GRIA4: variants seen among roughly 807,000 people sequenced by gnomAD.
GRIA4 encodes glutamate receptor 4.
Under a neutral mutation model 104.0 loss-of-function variants are expected in GRIA4, and 34 were observed. That is an observed-to-expected ratio of 0.33 (90% CI 0.25 to 0.44). The LOEUF is 0.44. GRIA4 is among the 20% of genes least tolerant of loss of function. The pLI is 1.00. For synonymous variants in GRIA4, 386 were observed against 381.9 expected (o/e 1.01, Z -0.13); for missense variants, 750 against 1,096.5 (o/e 0.68, Z 4.46).
intron 3 of GRIA4, among the ~76,000 whole-genome samples, chr11:105,690,500 G>T (rs1319282583): frequency 6.6e-6 from 1 of 152,152 alleles, no homozygotes; most frequent in African/African-American, 2.4e-5. Context: ...TCTGATAGGG[G>T]TGCAGTACTC....
chr11:105,659,027 T>A (rs183643933), intron 3 of GRIA4, among the ~76,000 whole-genome samples: 17 of 152,106 alleles, frequency 1.1e-4, no homozygotes, highest in East Asian at 7.7e-4. Context: ...TTTGTCAGAA[T>A]ATTCTAGCAT....
chr11:105,839,050 T>A (rs1271867787), intron 4 of GRIA4, among the ~76,000 whole-genome samples: 3 of 152,092 alleles, frequency 2.0e-5, no homozygotes, highest in Non-Finnish European at 4.4e-5. Context: ...AGGGCCTTCA[T>A]CCACCCCCAT....
intron 3 of GRIA4, among the ~76,000 whole-genome samples, chr11:105,700,479 C>T (rs1234249076): frequency 1.3e-5 from 2 of 152,154 alleles, no homozygotes; most frequent in Non-Finnish European, 2.9e-5. Flanking sequence ...TCACTGACAA[C>T]AAAAGTGCTC....
At chr11:105,647,832 G>A (rs567792385) in intron 3 of GRIA4, among the ~76,000 whole-genome samples, 1 of 152,096 alleles carries the variant, frequency 6.6e-6, no homozygotes, top group African/African-American at 2.4e-5. Flanking sequence ...TCAGGCACGT[G>A]CCTGTAGTCC....
intron 14 of GRIA4, among the ~76,000 whole-genome samples, chr11:105,944,178 T>C (rs186646173): frequency 1.6e-3 from 244 of 152,306 alleles, no homozygotes; most frequent in Admixed American, 3.4e-3. Flanking sequence ...GTTTTTTCCC[T>C]GCACATTTTC....
chr11:105,673,145 A>C (rs1049258185), intron 3 of GRIA4, among the ~76,000 whole-genome samples: 10 of 152,012 alleles, frequency 6.6e-5, no homozygotes, highest in Non-Finnish European at 1.5e-4. Flanking sequence ...ACTTACCTCC[A>C]CCCACCCAAG....
At chr11:105,658,876 A>G (rs1951922354) in intron 3 of GRIA4, among the ~76,000 whole-genome samples, 1 of 151,962 alleles carries the variant, frequency 6.6e-6, no homozygotes, top group Non-Finnish European at 1.5e-5. Context: ...TCCTGTTGAA[A>G]TTAAACTCTA....
In GRIA4 at chr11:105,640,100, G is replaced by A. The variant is rs574074879; in HGVS notation, c.247+27666G>A. Among the ~76,000 whole-genome samples the A allele has an allele frequency of 5.3e-4, 80 of 151,898 alleles. 2 individuals are homozygous for A. In the East Asian group the frequency reaches 0.014, roughly 27 times the overall value. ...TATATTAATTAATAACTACATTTCA[G>A]CTTTTGAAATACAATCTAGTTCATT... On this transcript the variant is annotated intron_variant, in intron 3 of 16. Transcript: ENST00000282499.
intron 6 of GRIA4, among the ~76,000 whole-genome samples, chr11:105,893,569 T>C (rs1265949842): frequency 1.3e-5 from 2 of 152,176 alleles, no homozygotes; most frequent in African/African-American, 4.8e-5. Flanking sequence ...AATTTTTCCC[T>C]TTACTTTCAG....
At chr11:105,726,482 G>A (rs1938217371) in intron 3 of GRIA4, among the ~76,000 whole-genome samples, 1 of 152,144 alleles carries the variant, frequency 6.6e-6, no homozygotes, top group African/African-American at 2.4e-5. Flanking sequence ...AAACTTAAAT[G>A]TTCCCACCTG....
At chr11:105,672,833 T>G (rs1952417005) in intron 3 of GRIA4, among the ~76,000 whole-genome samples, 1 of 152,152 alleles carries the variant, frequency 6.6e-6, no homozygotes, top group Non-Finnish European at 1.5e-5. Context: ...TTTTCCAAAC[T>G]TTATGACTTT....
intron 3 of GRIA4, among the ~76,000 whole-genome samples, chr11:105,653,521 A>G (rs550895315): frequency 1.7e-4 from 26 of 152,328 alleles, no homozygotes; most frequent in African/African-American, 4.3e-4. Context: ...ATGGCATGCA[A>G]TTGAAAACTT....
intron 14 of GRIA4, among the ~76,000 whole-genome samples, chr11:105,958,723 G>A (rs770015664): frequency 9.2e-5 from 14 of 152,034 alleles, no homozygotes; most frequent in Non-Finnish European, 1.8e-4. Flanking sequence ...GGTAGAATTC[G>A]GTATGGTTTT....
Position 105,924,497 on chromosome 11 carries a change from G to C in GRIA4, c.1575G>C (p.Met525Ile). Residue 525 changes from methionine (M) to isoleucine (I), a missense_variant, in exon 12 of 17, where the codon ATG becomes ATC. By Grantham distance (10) the Met-to-Ile change is conservative. This residue lies in a region of GRIA4 where 272 missense variants were observed against 524.5 expected (regional missense o/e 0.52). Transcript: ENST00000282499. ...TCATGAGTTTGGGCATATCTATCAT[G>C]ATCAAAAAGCCTCAGAAATCCAAAC... ...KPFMSLGISI[M>I]IKKPQKSKPG... The C allele has an allele frequency of 6.2e-7, 1 of 1,613,242 alleles. No individual in the cohort carries two copies. The highest frequency in any genetic ancestry group is 8.5e-7 in the Non-Finnish European group (1 of 1,179,404).
intron 5 of GRIA4, among the ~76,000 whole-genome samples, chr11:105,872,593 T>G (rs998100628): frequency 2.0e-5 from 3 of 152,124 alleles, no homozygotes; most frequent in Non-Finnish European, 4.4e-5. Context: ...TTTGAAACAT[T>G]CATAACAGTA....
intron 4 of GRIA4, among the ~76,000 whole-genome samples, chr11:105,763,210 A>G (rs1262698034): frequency 6.6e-6 from 1 of 152,176 alleles, no homozygotes; most frequent in Non-Finnish European, 1.5e-5. Context: ...CTCCAAGTAG[A>G]GCAAGTGGCA....
At chr11:105,967,111 C>T (rs1206174615) in intron 14 of GRIA4, among the ~76,000 whole-genome samples, 1 of 152,030 alleles carries the variant, frequency 6.6e-6, no homozygotes, top group Non-Finnish European at 1.5e-5. Context: ...CAGAAAATAT[C>T]ATAGAATAAC....
At chr11:105,679,003 G>C (rs1417230176) in intron 3 of GRIA4, among the ~76,000 whole-genome samples, 1 of 151,978 alleles carries the variant, frequency 6.6e-6, no homozygotes, top group African/African-American at 2.4e-5. Context: ...TCCTGAGTTA[G>C]TAGACGTATT....
chr11:105,791,174 G>A (rs1043398812), intron 4 of GRIA4, among the ~76,000 whole-genome samples: 4 of 152,082 alleles, frequency 2.6e-5, no homozygotes, highest in African/African-American at 9.7e-5. Flanking sequence ...ATACATGAGA[G>A]GCAGTTTGGT....
Sources: allele counts gnomAD v4.1 joint callset (sites outside exome capture counted in the v4.1 genomes callset), GRCh38; gene constraint gnomAD v4.1.1; regional missense constraint gnomAD v4.1.1; transcripts MANE v1.5; gene names NCBI Gene and HGNC (gene_info 2026-07-23, HGNC 2026-07-21).